Variants in CTNNA2 observed in about 807,000 individuals in gnomAD.
CTNNA2 encodes catenin alpha-2.
CTNNA2 carries 42 observed loss-of-function variants against 101.0 expected under a neutral mutation model. The ratio of observed to expected loss-of-function variants is 0.42; its 90% confidence interval spans 0.32 to 0.54. The LOEUF (loss-of-function observed/expected upper bound fraction) is 0.54. Among genes scored for constraint, CTNNA2 ranks in the 20% least tolerant of loss-of-function variants. The pLI, the probability that CTNNA2 is intolerant of heterozygous loss-of-function variation, is 0.14. For missense variants in CTNNA2, 871 were observed against 1,223.1 expected, an observed-to-expected ratio of 0.71 and a Z score of 4.29; for synonymous variants, 450 against 456.4, an observed-to-expected ratio of 0.99 and a Z score of 0.18.
At chr2:80,530,367 A>G (rs796991762) in intron 9 of CTNNA2, among the ~76,000 whole-genome samples, 16 of 152,292 alleles carry the variant, frequency 1.1e-4, no homozygotes, top group African/African-American at 3.6e-4. Context: ...GTTGTAGGGC[A>G]CTCAACAAGG....
intron 7 of CTNNA2, among the ~76,000 whole-genome samples, chr2:79,938,832 A>G (rs1045006599): frequency 5.9e-5 from 9 of 152,204 alleles, no homozygotes; most frequent in Non-Finnish European, 8.8e-5. Context: ...GATAAATTAG[A>G]TTTTAATTGG....
chr2:79,539,091 A>G (rs2103977839), intron 1 of CTNNA2, among the ~76,000 whole-genome samples: 1 of 152,342 alleles, frequency 6.6e-6, no homozygotes, highest in Non-Finnish European at 1.5e-5. Context: ...AGAAAAGACT[A>G]GCTAGGCAGG....
intron 9 of CTNNA2, among the ~76,000 whole-genome samples, chr2:80,474,644 A>G (rs575230323): frequency 6.6e-6 from 1 of 152,294 alleles, no homozygotes; most frequent in African/African-American, 2.4e-5. Flanking sequence ...TAATGACTGA[A>G]TGACAAACCA....
At chr2:80,276,879 A>G (rs928886981) in intron 7 of CTNNA2, among the ~76,000 whole-genome samples, 2 of 152,148 alleles carry the variant, frequency 1.3e-5, no homozygotes, top group Non-Finnish European at 2.9e-5. Context: ...TTTAGAGAGG[A>G]CAAATATCCA....
intron 4 of CTNNA2, among the ~76,000 whole-genome samples, chr2:79,418,759 G>A (rs1412161212): frequency 6.6e-6 from 1 of 152,090 alleles, no homozygotes; most frequent in African/African-American, 2.4e-5. Flanking sequence ...CATGATGTGA[G>A]GTTCTGCTAG....
intron 3 of CTNNA2, among the ~76,000 whole-genome samples, chr2:79,855,285 G>A (rs1234361335): frequency 6.6e-6 from 1 of 152,058 alleles, no homozygotes; most frequent in Admixed American, 6.5e-5. Flanking sequence ...CTCTTGGGGT[G>A]CCTGCCGTGG....
chr2:79,724,814 CAAAAAAA>C (rs60016527), intron 2 of CTNNA2, among the ~76,000 whole-genome samples: 5 of 74,100 alleles, frequency 6.7e-5, no homozygotes, highest in Admixed American at 1.7e-4. Context: ...GACTCCACCT[CAAAAAAA>C]AAAAAAAAAA....
intron 9 of CTNNA2, among the ~76,000 whole-genome samples, chr2:80,506,944 A>G (rs1396503678): frequency 6.6e-6 from 1 of 152,198 alleles, no homozygotes; most frequent in Non-Finnish European, 1.5e-5. Context: ...GAATACTAGT[A>G]TTGCAAAGAT....
At chr2:79,331,243 T>C (rs1415231307) in intron 3 of CTNNA2, among the ~76,000 whole-genome samples, 1 of 152,128 alleles carries the variant, frequency 6.6e-6, no homozygotes, top group African/African-American at 2.4e-5. Context: ...TGGATCCCAC[T>C]TACCTAGAAG....
intron 3 of CTNNA2, among the ~76,000 whole-genome samples, chr2:79,760,749 GT>G (rs1470899697): frequency 1.3e-5 from 2 of 152,164 alleles, no homozygotes; most frequent in African/African-American, 4.8e-5. Flanking sequence ...TTGTACTTAT[GT>G]AAAAGTGCAT....
chr2:80,384,164 T>C (rs2149353442), intron 7 of CTNNA2, among the ~76,000 whole-genome samples: 1 of 152,138 alleles, frequency 6.6e-6, no homozygotes, highest in East Asian at 1.9e-4. Flanking sequence ...GAGGTCTACT[T>C]GAGGGTGGAG....
chr2:79,507,497 G>T (rs779655989), intron 5 of CTNNA2, among the ~76,000 whole-genome samples: 1 of 152,054 alleles, frequency 6.6e-6, no homozygotes, highest in Non-Finnish European at 1.5e-5. Context: ...ATAAGATAAT[G>T]CAGCAAGAAC....
rs186681550 is a variant in CTNNA2 at position 80,202,853 on chromosome 2, A to G, written c.1057-190358A>G. 8.9e-4 allele frequency among the ~76,000 whole-genome samples: 136 copies of G among 152,290 alleles called. 1 individual carries two copies. Among genetic ancestry groups the G allele is most frequent in the Non-Finnish European group, 1.7e-3 (116 of 68,028 alleles). On this transcript the variant is annotated intron_variant, in intron 7 of 18. Transcript: ENST00000402739. Reference sequence around the variant, plus strand: ...ACTGTATTAGTCTGTTTTCACACTCATGATAAAGACATACCCAAGACTGGG... The same window carrying G: ...ACTGTATTAGTCTGTTTTCACACTCGTGATAAAGACATACCCAAGACTGGG...
intron 7 of CTNNA2, among the ~76,000 whole-genome samples, chr2:80,316,865 C>G (rs964991770): frequency 1.3e-5 from 2 of 152,152 alleles, no homozygotes; most frequent in African/African-American, 4.8e-5. Context: ...AACTGAGCAA[C>G]TTGGTAAGCA....
chr2:80,605,564 C>T (rs1697929313), intron 16 of CTNNA2: 1 of 151,824 alleles, frequency 6.6e-6, no homozygotes, highest in African/African-American at 2.4e-5. Flanking sequence ...TTTCCTCCCT[C>T]ATTCCTATAT....
At chr2:79,432,686 T>C (rs1678670911) in intron 4 of CTNNA2, among the ~76,000 whole-genome samples, 1 of 152,172 alleles carries the variant, frequency 6.6e-6, no homozygotes, top group Admixed American at 6.5e-5. Flanking sequence ...TAGATTCCCA[T>C]TTTAGCTTTA....
chr2:79,984,304 G>C (rs1177641168), intron 7 of CTNNA2, among the ~76,000 whole-genome samples: 1 of 152,122 alleles, frequency 6.6e-6, no homozygotes, highest in African/African-American at 2.4e-5. Flanking sequence ...TCTCCACATT[G>C]AGCAAGTTAG....
chr2:80,203,316 C>T (rs747584021), intron 7 of CTNNA2, among the ~76,000 whole-genome samples: 10 of 152,194 alleles, frequency 6.6e-5, no homozygotes, highest in Non-Finnish European at 1.0e-4. Context: ...TCCAAAGTCT[C>T]ATCCAAGACA....
intron 7 of CTNNA2, among the ~76,000 whole-genome samples, chr2:80,003,525 G>A (rs751539387): frequency 6.6e-6 from 1 of 152,056 alleles, no homozygotes; most frequent in African/African-American, 2.4e-5. Flanking sequence ...GACCATATTC[G>A]GGACACCATT....
Sources: gnomAD v4.1 joint callset for allele counts (sites outside exome capture counted in the v4.1 genomes callset) on GRCh38, gnomAD v4.1.1 for gene constraint, MANE v1.5 for transcripts, NCBI Gene and HGNC (gene_info 2026-07-23, HGNC 2026-07-21) for gene names.